The following PLA2G4B variants were observed in gnomAD, a reference collection of about 807,000 sequenced individuals.
The protein encoded by PLA2G4B is cytosolic phospholipase A2 beta.
PLA2G4B carries 122 observed loss-of-function variants against 95.8 expected under a neutral mutation model. That is an observed-to-expected ratio of 1.27 (90% CI 1.10 to 1.48). The LOEUF is 1.48. Ranked by LOEUF, PLA2G4B falls within the 40% of genes most tolerant of loss-of-function variation. The pLI is 0.00. For missense variants in PLA2G4B, 1,158 were observed against 996.2 expected, an observed-to-expected ratio of 1.16 and a Z score of -2.19; for synonymous variants, 518 against 421.5, an observed-to-expected ratio of 1.23 and a Z score of -2.80.
At chr15:41,841,979 C>G in intron 8 of PLA2G4B, 30 bp downstream of exon 8, 1 of 1,597,330 alleles carries the variant, frequency 6.3e-7, no homozygotes. Flanking sequence ...CGAGGTGGGG[C>G]CCCCAGAACT....
chr15:41,840,327 G>GC, intron 2 of PLA2G4B, 97 bp downstream of exon 2: 2 of 1,579,994 alleles, frequency 1.3e-6, no homozygotes, highest in South Asian at 2.2e-5. Context: ...AGGCGGGTGG[G>GC]CCGGTGGGCA....
chr15:41,843,068 C>A, intron 10 of PLA2G4B: 1 of 156,898 alleles, frequency 6.4e-6, no homozygotes, highest in Non-Finnish European at 1.4e-5. Context: ...CCTTTTCTGC[C>A]CCGCCCCCTG....
chr15:41,842,822 G>A (rs141790111), intron 10 of PLA2G4B: 9,940 of 544,242 alleles, frequency 0.018, 228 homozygotes, highest in South Asian at 0.08. Flanking sequence ...AGGCACCCGG[G>A]GAGCACTTGA....
In PLA2G4B at chr15:41,841,679, C is replaced by T. The variant is rs1391825320; in HGVS notation, c.490+108C>T. On this transcript the variant is annotated intron_variant, in intron 7 of 19. Coordinates refer to ENST00000458483, the MANE Select transcript of PLA2G4B (RefSeq NM_001114633.2). ...CCTGAGCTTTCCCCTTAGGCCTTCT[C>T]GGGGGACTGTGGTGGGGGATCCATC... 14 of 1,568,792 alleles carry T rather than the reference C, an allele frequency of 8.9e-6. No individual in the cohort carries two copies. In the Middle Eastern group the frequency reaches 5.1e-4, roughly 57 times the overall value.
In PLA2G4B at chr15:41,840,137, T is replaced by C. The variant is rs1555457772; in HGVS notation, c.10-21T>C. Reference sequence around the variant, plus strand: ...TGGCTTCATCGGCCCGTAGCAGGTCTCCCCTCTCCCACCTCTGCAGGCAGA... The same window carrying C: ...TGGCTTCATCGGCCCGTAGCAGGTCCCCCCTCTCCCACCTCTGCAGGCAGA... On this transcript the variant is annotated intron_variant, in intron 1 of 19. Transcript: ENST00000458483. 1.9e-6 allele frequency: 3 copies of C among 1,611,336 alleles called. No individual in the cohort carries two copies. The Admixed American group carries it at 5.0e-5, about 27-fold the overall frequency.
In PLA2G4B at chr15:41,843,184, G is replaced by A. The variant is rs182470284; in HGVS notation, c.744-492G>A. ...CAACCTCCGCCTCTGGGGTTCAAGC[G>A]ATTCTCCTGCCTCAGCCTCCCGAGT... On this transcript the variant is annotated intron_variant, in intron 10 of 19. Coordinates refer to ENST00000458483, the MANE Select transcript of PLA2G4B (RefSeq NM_001114633.2). 6.2e-3 allele frequency: 950 copies of A among 153,024 alleles called. 3 individuals are homozygous for A. The highest frequency in any genetic ancestry group is 9.9e-3 in the Non-Finnish European group (688 of 69,508). 9.5% of individuals were successfully genotyped at this position (153,024 alleles called of 1,614,324 possible). A position where few individuals can be genotyped will look rare whatever the true frequency, so the allele number is the denominator to read the frequency against.
At chr15:41,839,590 A>AG (rs1315351557) in intron 1 of PLA2G4B, 7 of 154,602 alleles carry the variant, frequency 4.5e-5, no homozygotes, top group African/African-American at 1.7e-4. Context: ...ACCAGGGTGG[A>AG]GGGAGGGTAC....
At chr15:41,847,292 G>C (rs1354415248) in intron 18 of PLA2G4B, 45 bp from the exon 19 acceptor site, 2 of 1,549,318 alleles carry the variant, frequency 1.3e-6, no homozygotes, top group Non-Finnish European at 1.7e-6. Context: ...TGTTGAGGAT[G>C]CCAGGGGCCC....
At position 41,847,903 on chromosome 15, in the gene PLA2G4B, G is replaced by T; in HGVS notation, c.*43G>T. 1 of 1,579,514 alleles carries T rather than the reference G, an allele frequency of 6.3e-7. No homozygotes were observed. The highest frequency in any genetic ancestry group is 2.3e-5 in the East Asian group (1 of 43,680). On this transcript the variant is annotated 3_prime_UTR_variant, in exon 20 of 20. Coordinates refer to ENST00000458483, the MANE Select transcript of PLA2G4B (RefSeq NM_001114633.2). ...ACCCCTAACTCTCATTCATTCCCTG[G>T]CTGCTGAGTTGCAGGTGGGAACTGT... is the stretch of plus-strand genomic sequence containing the variant.
In PLA2G4B at chr15:41,841,829, CAG is replaced by C. The variant is rs1277046967; in HGVS notation, c.504_505del (p.Arg168SerfsTer10). ...GGTTCCTGTTTCCAGCCTCAGAGCA[CAG>C]AGTTCAGCTTGTGGTTCCTGGGTCC... is the stretch of plus-strand genomic sequence containing the variant. ...ETGDQKSSEH[R>X]VQLVVPGSCE... On this transcript the variant is annotated frameshift_variant, in exon 8 of 20. Coordinates refer to ENST00000458483, the MANE Select transcript of PLA2G4B (RefSeq NM_001114633.2). LOFTEE classifies it high-confidence loss of function. 1.5e-5 allele frequency: 24 copies of C among 1,613,418 alleles called. No individual in the cohort carries two copies. The highest frequency in any genetic ancestry group is 1.9e-5 in the Non-Finnish European group (23 of 1,179,830).
Position 41,840,212 on chromosome 15 carries a change from C to T in PLA2G4B, c.64C>T (p.Leu22=), listed in dbSNP as rs896925689. 3.7e-6 allele frequency: 6 copies of T among 1,613,328 alleles called. No individual in the cohort carries two copies. The East Asian group carries it at 1.1e-4, about 30-fold the overall frequency. Residue 22 remains leucine, a synonymous_variant, in exon 2 of 20, where the codon CTA becomes TTA. Coordinates refer to ENST00000458483, the MANE Select transcript of PLA2G4B (RefSeq NM_001114633.2). ...LTVRVLQAHR[L]PSKDLVTPSD... Reference sequence around the variant, plus strand: ...GGTTCGTGTCCTGCAGGCCCATCGCCTACCCTCTAAGGACCTAGGTGAGTG... The same window carrying T: ...GGTTCGTGTCCTGCAGGCCCATCGCTTACCCTCTAAGGACCTAGGTGAGTG...
Position 41,838,929 on chromosome 15 carries a change from C to A in PLA2G4B, c.9+7C>A. 6.3e-7 allele frequency: 1 copy of A among 1,590,568 alleles called. No individual in the cohort carries two copies. Among genetic ancestry groups the A allele is most frequent in the Admixed American group, 1.8e-5 (1 of 57,112 alleles). Reference sequence around the variant, plus strand: ...ACTCAGTCTCATGGCTGTGGTAAGGCCTGGCAGGGCCCTGGGTCCCTACTG... The same window carrying A: ...ACTCAGTCTCATGGCTGTGGTAAGGACTGGCAGGGCCCTGGGTCCCTACTG... On this transcript the variant is annotated splice_region_variant and intron_variant, in intron 1 of 19. Coordinates refer to ENST00000458483, the MANE Select transcript of PLA2G4B (RefSeq NM_001114633.2).
At chr15:41,845,522 CACAAGGCCTGG>C in intron 14 of PLA2G4B, 105 bp from the exon 15 acceptor site, 1 of 1,518,574 alleles carries the variant, frequency 6.6e-7, no homozygotes, top group Non-Finnish European at 8.8e-7. Flanking sequence ...AAGCCCAGGC[CACAAGGCCTGG>C]GCCTCCTGGT....
At chr15:41,846,647 G>A (rs1567173165) in intron 17 of PLA2G4B, 22 bp from the exon 18 acceptor site, 1 of 1,585,084 alleles carries the variant, frequency 6.3e-7, no homozygotes, top group South Asian at 1.1e-5. Flanking sequence ...TGTGACAATT[G>A]CTGCTCTCCC....
chr15:41,841,215 T>A lies in PLA2G4B; in HGVS notation c.393-16T>A. ...ACCTGGACTCCTGCTAAGGGGGCTC[T>A]GGGGGCTCTTTCCAGGGCTGACCGT... On this transcript the variant is annotated splice_polypyrimidine_tract_variant and intron_variant, in intron 5 of 19. Transcript: ENST00000458483. The A allele has an allele frequency of 1.9e-6, 3 of 1,613,930 alleles. No individual in the cohort carries two copies. The highest frequency in any genetic ancestry group is 1.1e-5 in the South Asian group (1 of 91,056).
rs534236778 is a variant in PLA2G4B, at chr15:41,844,822, CTGGCTT to C, written c.1017-12_1017-7del. ...GACGGGGTCCTTCAGTGACAGCCCTCTGGCTTTGGCTTTGGCTTTTCCCAGGGCCTT... is the reference window on the plus strand; with the variant it reads ...GACGGGGTCCTTCAGTGACAGCCCTCTGGCTTTGGCTTTTCCCAGGGCCTT... On this transcript the variant is annotated intron_variant, in intron 12 of 19. Transcript: ENST00000458483. The C allele has an allele frequency of 5.2e-4, 822 of 1,579,432 alleles. 1 individual carries two copies. In the African/African-American group the frequency reaches 6.6e-3, roughly 13 times the overall value.
chr15:41,847,921 G>C lies in PLA2G4B; in HGVS notation c.*61G>C. The C allele has an allele frequency of 1.3e-6, 2 of 1,554,100 alleles. No homozygotes were observed. Among genetic ancestry groups the C allele is most frequent in the Admixed American group, 1.9e-5 (1 of 53,028 alleles). ...TTCCCTGGCTGCTGAGTTGCAGGTG[G>C]GAACTGTCATCACGCAGTGCTTCAG... On this transcript the variant is annotated 3_prime_UTR_variant, in exon 20 of 20. Transcript: ENST00000458483.
chr15:41,842,008 C>A, intron 8 of PLA2G4B, 59 bp downstream of exon 8: 1 of 1,579,830 alleles, frequency 6.3e-7, no homozygotes, highest in South Asian at 1.2e-5. Context: ...CCCTCTGCAC[C>A]TCCTCCCAGT....
chr15:41,846,680 G>C lies in PLA2G4B; in HGVS notation c.1792G>C (p.Asp598His), dbSNP rs770702650. 2 of 1,610,654 alleles carry C rather than the reference G, an allele frequency of 1.2e-6. No individual in the cohort carries two copies. Among genetic ancestry groups the C allele is most frequent in the Non-Finnish European group, 1.7e-6 (2 of 1,177,662 alleles). ...CCCCAACCTTCCAGCTACCACTCTG[G>C]ATGGGCTCCCCAACCAGCTGACACC... ...HFSTWKATTL[D>H]GLPNQLTPSE... The change falls in exon 18 of 20, where the codon GAT (aspartate) becomes CAT (histidine). Residue 598 changes from aspartate (D) to histidine (H), a missense_variant. Physicochemically the swap from Asp to His is moderately conservative, Grantham distance 81. Transcript: ENST00000458483.
Sources: gnomAD v4.1 joint callset for allele counts on GRCh38, gnomAD v4.1.1 for gene constraint, MANE v1.5 for transcripts, NCBI Gene and HGNC (gene_info 2026-07-23, HGNC 2026-07-21) for gene names.